Variants in TMEM230 observed in about 807,000 individuals in gnomAD.
TMEM230 encodes UPF0414 transmembrane protein C20orf30.
TMEM230 carries 10 observed loss-of-function variants against 15.8 expected under a neutral mutation model. That is an observed-to-expected ratio of 0.63 (90% CI 0.39 to 1.07). The LOEUF (loss-of-function observed/expected upper bound fraction) is 1.07. TMEM230 is among the 50% of genes least tolerant of loss of function. The pLI, the probability that TMEM230 is intolerant of heterozygous loss-of-function variation, is 0.01. For missense variants in TMEM230, 165 were observed against 193.3 expected (o/e 0.85, Z 0.87); for synonymous variants, 67 against 76.9 (o/e 0.87, Z 0.68).
chr20:5,088,716 G>C (rs2122642328), intron 3 of TMEM230, among the ~76,000 whole-genome samples: 1 of 152,062 alleles, frequency 6.6e-6, no homozygotes, highest in East Asian at 1.9e-4. Context: ...GTCTCACTAT[G>C]TTACCCAGGC....
intron 3 of TMEM230, among the ~76,000 whole-genome samples, chr20:5,073,531 G>GGACT (rs1418793824): frequency 1.3e-5 from 2 of 152,206 alleles, no homozygotes; most frequent in Non-Finnish European, 2.9e-5. Context: ...CTGGCACCAG[G>GGACT]GACTGTACAG....
At chr20:5,112,856 C>A in intron 1 of TMEM230, 105 bp downstream of exon 1, 1 of 1,546,064 alleles carries the variant, frequency 6.5e-7, no homozygotes, top group Non-Finnish European at 8.7e-7. Flanking sequence ...ACGAATGCCC[C>A]ACACGGATGA....
At chr20:5,084,595 C>T (rs561297174) in intron 3 of TMEM230, among the ~76,000 whole-genome samples, 9 of 152,064 alleles carry the variant, frequency 5.9e-5, no homozygotes, top group African/African-American at 1.7e-4. Flanking sequence ...AGTGCAGTGG[C>T]GCAATCTCTG....
At chr20:5,094,385 C>T (rs2089602079) in intron 3 of TMEM230, among the ~76,000 whole-genome samples, 1 of 151,850 alleles carries the variant, frequency 6.6e-6, no homozygotes, top group African/African-American at 2.4e-5. Flanking sequence ...GGATTACAGA[C>T]ACACACCACC....
intron 3 of TMEM230, among the ~76,000 whole-genome samples, chr20:5,075,257 GT>G (rs2088952244): frequency 2.0e-5 from 3 of 150,494 alleles, no homozygotes; most frequent in African/African-American, 7.3e-5. Flanking sequence ...TAGAGATGGC[GT>G]TTCTCTATGT....
intron 3 of TMEM230, among the ~76,000 whole-genome samples, chr20:5,083,228 TAA>T (rs1404582174): frequency 2.0e-5 from 3 of 151,026 alleles, no homozygotes; most frequent in African/African-American, 7.3e-5. Flanking sequence ...GCACCCGGCC[TAA>T]TTCTTCATAT....
chr20:5,107,966 GC>G (rs1297491638), intron 3 of TMEM230, among the ~76,000 whole-genome samples: 1 of 151,428 alleles, frequency 6.6e-6, no homozygotes, highest in Non-Finnish European at 1.5e-5. Context: ...ACGAAAATTG[GC>G]CAGGCATGGT....
intron 4 of TMEM230, among the ~76,000 whole-genome samples, 155 bp from the exon 4 acceptor site, chr20:5,101,086 A>G (rs2089842068): frequency 1.3e-5 from 2 of 152,310 alleles, no homozygotes; most frequent in South Asian, 4.1e-4. Flanking sequence ...CCTCCTGATT[A>G]TAAATTGAAG....
In TMEM230 at chr20:5,082,994, C is replaced by T. The variant is rs112494242; in HGVS notation, c.223-13645G>A. Among the ~76,000 whole-genome samples the T allele has an allele frequency of 6.3e-4, 94 of 148,128 alleles. 2 individuals carry two copies. The highest frequency in any genetic ancestry group is 3.9e-3 in the South Asian group (18 of 4,670). Reference sequence around the variant, plus strand: ...CCAGGCTGTAGTGCAATGGCGCGATCTCGGCTCATTGCAACCTCCACCTCC... The same window carrying T: ...CCAGGCTGTAGTGCAATGGCGCGATTTCGGCTCATTGCAACCTCCACCTCC... On this transcript the variant is annotated intron_variant, in intron 3 of 3. Transcript: ENST00000612323.
chr20:5,065,550 G>A (rs1034286824), downstream of TMEM230, among the ~76,000 whole-genome samples: 7 of 152,274 alleles, frequency 4.6e-5, no homozygotes, highest in Non-Finnish European at 7.3e-5. Context: ...CTGTGAGTGG[G>A]GCCTATTTTC....
At chr20:5,109,185 G>T in intron 3 of TMEM230, 147 bp downstream of exon 2, 1 of 603,782 alleles carries the variant, frequency 1.7e-6, no homozygotes, top group Non-Finnish European at 2.9e-6. Context: ...CTGCGATTAT[G>T]GCTGAAAGGG....
At chr20:5,070,137 C>T (rs559445537) in intron 3 of TMEM230, among the ~76,000 whole-genome samples, 1 of 152,028 alleles carries the variant, frequency 6.6e-6, no homozygotes, top group Non-Finnish European at 1.5e-5. Context: ...ACTTTGCTCT[C>T]GAGACACTCC....
intron 3 of TMEM230, among the ~76,000 whole-genome samples, chr20:5,074,325 T>C (rs952506493): frequency 5.9e-5 from 9 of 152,122 alleles, no homozygotes; most frequent in African/African-American, 2.2e-4. Flanking sequence ...TTAATCACCA[T>C]TATCACTGGA....
chr20:5,107,245 G>A (rs1210014707), intron 3 of TMEM230, among the ~76,000 whole-genome samples: 1 of 152,136 alleles, frequency 6.6e-6, no homozygotes, highest in Non-Finnish European at 1.5e-5. Flanking sequence ...AAGAGGCAGC[G>A]AGCTGAGATT....
At chr20:5,110,519 A>T (rs2090270109) in intron 2 of TMEM230, among the ~76,000 whole-genome samples, 1 of 151,994 alleles carries the variant, frequency 6.6e-6, no homozygotes, top group Non-Finnish European at 1.5e-5. Flanking sequence ...TTCTGACCTC[A>T]AGTGTTCTGC....
rs2089812878 is a variant in TMEM230, at chr20:5,100,577, C to G, written c.*214G>C. ...CATGATACATATTCCTGTGGAAAAA[C>G]TTGTCAGGGCCCAGGGATGAAAAAT... is the stretch of plus-strand genomic sequence containing the variant. On this transcript the variant is annotated 3_prime_UTR_variant, in exon 5 of 5. Coordinates refer to ENST00000342308, the MANE Select transcript of TMEM230 (RefSeq NM_001009923.2). 7.5e-7 allele frequency: 1 copy of G among 1,339,400 alleles called. No homozygotes were observed. The highest frequency in any genetic ancestry group is 9.6e-7 in the Non-Finnish European group (1 of 1,045,260). 83.0% of individuals were successfully genotyped at this position (1,339,400 alleles called of 1,614,324 possible).
chr20:5,101,851 A>G (rs892869461), intron 4 of TMEM230, among the ~76,000 whole-genome samples: 1 of 152,230 alleles, frequency 6.6e-6, no homozygotes, highest in African/African-American at 2.4e-5. Flanking sequence ...AAGGTTTCAT[A>G]TTGAAGCTCA....
downstream of TMEM230, chr20:5,068,009 G>C (rs2088704806): frequency 6.6e-6 from 1 of 152,076 alleles, no homozygotes; most frequent in African/African-American, 2.4e-5. Flanking sequence ...CAAGCAATCT[G>C]CCCACCTTAG....
At chr20:5,080,228 T>C (rs2089140039) in intron 3 of TMEM230, among the ~76,000 whole-genome samples, 1 of 152,232 alleles carries the variant, frequency 6.6e-6, no homozygotes, top group South Asian at 2.1e-4. Flanking sequence ...AATCTCTGTG[T>C]CCTTAATGTA....
Sources: gnomAD v4.1 joint callset for allele counts (sites outside exome capture counted in the v4.1 genomes callset) on GRCh38, gnomAD v4.1.1 for gene constraint, MANE v1.5 for transcripts, NCBI Gene and HGNC (gene_info 2026-07-23, HGNC 2026-07-21) for gene names.